Variants in ZC3H12C observed in about 807,000 individuals in gnomAD.
ZC3H12C encodes the protein probable ribonuclease ZC3H12C.
ZC3H12C carries 20 observed loss-of-function variants against 76.3 expected under a neutral mutation model. The ratio of observed to expected loss-of-function variants is 0.26; its 90% CI spans 0.18 to 0.38. ZC3H12C has a LOEUF of 0.38. Among genes scored for constraint, ZC3H12C ranks in the 10% least tolerant of loss-of-function variants. The pLI, the probability that ZC3H12C is intolerant of heterozygous loss-of-function variation, is 1.00. For missense variants in ZC3H12C, 874 were observed against 1,086.5 expected (o/e 0.80, Z 2.75); for synonymous variants, 352 against 399.6 (o/e 0.88, Z 1.42).
intron 2 of ZC3H12C, among the ~76,000 whole-genome samples, chr11:110,137,975 T>C (rs643186): frequency 0.75 from 113,305 of 151,882 alleles, 42,387 homozygotes; most frequent in East Asian, 0.9. Flanking sequence ...TTTTTTTGGC[T>C]AGGCAGGGTG....
Position 110,170,686 on chromosome 11 carries a change from G to A in ZC3H12C, c.*4949G>A, listed in dbSNP as rs1312296576. Reference sequence around the variant, plus strand: ...ATATGTAATTTTGAATTCGTTGGAAGTACACGCTGCTGAGCATGTTTATTC... The same window carrying A: ...ATATGTAATTTTGAATTCGTTGGAAATACACGCTGCTGAGCATGTTTATTC... On this transcript the variant is annotated 3_prime_UTR_variant, in exon 6 of 6. Transcript: ENST00000278590. 3 of 152,202 alleles carry A rather than the reference G, an allele frequency of 2.0e-5. No homozygotes were observed. Among genetic ancestry groups the A allele is most frequent in the Non-Finnish European group, 4.4e-5 (3 of 68,026 alleles). 9.4% of individuals were successfully genotyped at this position (152,202 alleles called of 1,614,324 possible).
intron 2 of ZC3H12C, among the ~76,000 whole-genome samples, chr11:110,150,327 C>G (rs1862248723): frequency 7.2e-6 from 1 of 138,176 alleles, no homozygotes; most frequent in Admixed American, 7.6e-5. Context: ...TTAAGTCTTA[C>G]CTTATGCCCT....
At chr11:110,146,190 G>A (rs554775978) in intron 2 of ZC3H12C, among the ~76,000 whole-genome samples, 1 of 152,214 alleles carries the variant, frequency 6.6e-6, no homozygotes, top group South Asian at 2.1e-4. Context: ...GGGCTTCACC[G>A]TGTTAGCCAG....
intron 2 of ZC3H12C, among the ~76,000 whole-genome samples, chr11:110,141,111 CAT>C (rs1313355749): frequency 6.6e-6 from 1 of 152,068 alleles, no homozygotes; most frequent in Non-Finnish European, 1.5e-5. Flanking sequence ...CGCAAAGAGT[CAT>C]ATTGGAAAAC....
intron 1 of ZC3H12C, 41 bp downstream of exon 1, chr11:110,093,473 G>A (rs1288260596): frequency 1.9e-5 from 23 of 1,192,172 alleles, no homozygotes; most frequent in Admixed American, 4.5e-5. Context: ...GGACCGCGGC[G>A]AGAGTGGTCC....
At chr11:110,143,646 A>G (rs1229153830) in intron 2 of ZC3H12C, among the ~76,000 whole-genome samples, 1 of 152,176 alleles carries the variant, frequency 6.6e-6, no homozygotes, top group Non-Finnish European at 1.5e-5. Context: ...GTTTAAAAAG[A>G]TTATTTTTAA....
rs183801611 is a variant in ZC3H12C, at chr11:110,144,636, C to T, written c.773+7222C>T. Among the ~76,000 whole-genome samples, 354 of 152,110 alleles carry T rather than the reference C, an allele frequency of 2.3e-3. 3 individuals are homozygous for T. The highest frequency in any genetic ancestry group is 7.8e-3 in the African/African-American group (322 of 41,506). ...CTTCTTTGATCATGTAAATAATATA[C>T]GTATTATATAAGTTTTAGAAATAAA... On this transcript the variant is annotated intron_variant, in intron 2 of 5. Coordinates refer to ENST00000278590, the MANE Select transcript of ZC3H12C (RefSeq NM_033390.2).
In ZC3H12C at chr11:110,167,309, G is replaced by A. The variant is rs1276842656; in HGVS notation, c.*1572G>A. 1 of 152,054 alleles carries A rather than the reference G, an allele frequency of 6.6e-6. No homozygotes were observed. The highest frequency in any genetic ancestry group is 1.5e-5 in the Non-Finnish European group (1 of 68,006). 9.4% of individuals were successfully genotyped at this position (152,054 alleles called of 1,614,324 possible). On this transcript the variant is annotated 3_prime_UTR_variant, in exon 6 of 6. Coordinates refer to ENST00000278590, the MANE Select transcript of ZC3H12C (RefSeq NM_033390.2). ...TTAACTATAAGAACTATTTTGATTT[G>A]TAGATCTAGTTAAAACACAAGTATG...
chr11:110,165,272 A>G lies in ZC3H12C; in HGVS notation c.2187A>G (p.Pro729=). ...GTCCTGGCGACTACCCCTCTCCTCCAAGTTCAGCACACTCTAAGGCACCAC... is the reference window on the plus strand; with the variant it reads ...GTCCTGGCGACTACCCCTCTCCTCCGAGTTCAGCACACTCTAAGGCACCAC... ...SSCPGDYPSP[P]SSAHSKAPHL... Residue 729 remains proline (P), a synonymous_variant, in exon 6 of 6, where the codon CCA becomes CCG. Coordinates refer to ENST00000278590, the MANE Select transcript of ZC3H12C (RefSeq NM_033390.2). The G allele has an allele frequency of 6.2e-7, 1 of 1,613,952 alleles. No individual in the cohort carries two copies. The highest frequency in any genetic ancestry group is 2.2e-5 in the East Asian group (1 of 44,884).
intron 2 of ZC3H12C, among the ~76,000 whole-genome samples, chr11:110,143,292 G>T (rs1279575268): frequency 6.6e-6 from 1 of 152,018 alleles, no homozygotes; most frequent in Non-Finnish European, 1.5e-5. Context: ...AAGGACTACG[G>T]AATAGATGTA....
At chr11:110,140,545 C>T (rs2134180571) in intron 2 of ZC3H12C, among the ~76,000 whole-genome samples, 1 of 152,316 alleles carries the variant, frequency 6.6e-6, no homozygotes, top group Non-Finnish European at 1.5e-5. Flanking sequence ...ACACATTCTT[C>T]TGTTGAGTGT....
chr11:110,112,163 A>G (rs576640271), intron 1 of ZC3H12C, among the ~76,000 whole-genome samples: 7 of 152,306 alleles, frequency 4.6e-5, no homozygotes, highest in African/African-American at 1.4e-4. Flanking sequence ...TTAGTCATGT[A>G]AGCATCGGAA....
At chr11:110,110,696 C>G (rs910746599) in intron 1 of ZC3H12C, among the ~76,000 whole-genome samples, 4 of 96,344 alleles carry the variant, frequency 4.2e-5, no homozygotes, top group Non-Finnish European at 8.7e-5. Flanking sequence ...GTTTCCTACT[C>G]TTTAGTGTTC....
rs771704906 is a variant in ZC3H12C, at chr11:110,164,663, T to C, written c.1578T>C (p.Ala526=). The C allele has an allele frequency of 6.2e-7, 1 of 1,614,026 alleles. No individual in the cohort carries two copies. Among genetic ancestry groups the C allele is most frequent in the African/African-American group, 1.3e-5 (1 of 75,052 alleles). Residue 526 remains alanine (A), a synonymous_variant, in exon 6 of 6, where the codon GCT becomes GCC. Transcript: ENST00000278590. The surrounding 1 kb of genome is among the most constrained non-coding windows in gnomAD (Gnocchi z 5.7). The part of the protein sequence containing the change: ...RSVPSLVSIP[A]TSTAKPQSTT... ...TACCTTCCTTAGTTAGCATCCCAGCTACTTCTACTGCAAAACCCCAAAGCA... is the reference window on the plus strand; with the variant it reads ...TACCTTCCTTAGTTAGCATCCCAGCCACTTCTACTGCAAAACCCCAAAGCA...
intron 1 of ZC3H12C, among the ~76,000 whole-genome samples, chr11:110,106,622 C>T (rs1209350163): frequency 1.3e-5 from 2 of 152,074 alleles, no homozygotes. Flanking sequence ...TGGTATATAT[C>T]GAAGCACTTA....
chr11:110,114,616 T>C (rs1230911913), intron 1 of ZC3H12C, among the ~76,000 whole-genome samples: 7 of 152,240 alleles, frequency 4.6e-5, no homozygotes, highest in Non-Finnish European at 1.0e-4. Flanking sequence ...TCGTGGACCA[T>C]GCTGCTATTT....
At chr11:110,146,086 A>C (rs1345294649) in intron 2 of ZC3H12C, among the ~76,000 whole-genome samples, 2 of 152,128 alleles carry the variant, frequency 1.3e-5, no homozygotes, top group Admixed American at 1.3e-4. Context: ...TCCCGGGTTC[A>C]TGCCATTCTC....
At chr11:110,122,899 T>C (rs1338196607) in intron 1 of ZC3H12C, among the ~76,000 whole-genome samples, 1 of 152,220 alleles carries the variant, frequency 6.6e-6, no homozygotes, top group Non-Finnish European at 1.5e-5. Flanking sequence ...CATTTTTTCA[T>C]TTCTCCTCTA....
chr11:110,113,077 T>G (rs758871129), intron 1 of ZC3H12C, among the ~76,000 whole-genome samples: 23 of 152,134 alleles, frequency 1.5e-4, no homozygotes, highest in Non-Finnish European at 2.6e-4. Flanking sequence ...AAAATAATCC[T>G]TCTATATCTT....
Sources: allele counts gnomAD v4.1 joint callset (sites outside exome capture counted in the v4.1 genomes callset), GRCh38; gene constraint gnomAD v4.1.1; non-coding constraint Gnocchi (gnomAD v3.1); transcripts MANE v1.5; gene names NCBI Gene and HGNC (gene_info 2026-07-23, HGNC 2026-07-21).